Variants in OSBPL11 observed in about 807,000 individuals in gnomAD.
The protein encoded by OSBPL11 is oxysterol-binding protein-related protein 11.
In OSBPL11, 33 loss-of-function variants were observed where a neutral mutation model predicts 84.4. The ratio of observed to expected loss-of-function variants is 0.39; its 90% CI spans 0.30 to 0.52. The LOEUF is 0.52. Ranked by LOEUF, OSBPL11 falls within the 20% of genes least tolerant of loss-of-function variation. The probability of loss-of-function intolerance (pLI) is 0.72; values close to 1 mark genes in which losing one functional copy is unlikely to be tolerated. For synonymous variants in OSBPL11, 276 were observed against 310.2 expected, an observed-to-expected ratio of 0.89 and a Z score of 1.16; for missense variants, 736 against 901.1, an observed-to-expected ratio of 0.82 and a Z score of 2.35.
At chr3:125,549,702 G>T (rs941125508) in intron 9 of OSBPL11, among the ~76,000 whole-genome samples, 1 of 151,920 alleles carries the variant, frequency 6.6e-6, no homozygotes, top group Non-Finnish European at 1.5e-5. Flanking sequence ...GCCCAGTCTG[G>T]TCTCAAACTC....
intron 10 of OSBPL11, among the ~76,000 whole-genome samples, chr3:125,542,123 C>T (rs532625292): frequency 6.6e-6 from 1 of 152,244 alleles, no homozygotes; most frequent in Non-Finnish European, 1.5e-5. Context: ...AATTCTGCTC[C>T]GATTCAAATC....
At chr3:125,587,525 G>A (rs968925857) in intron 1 of OSBPL11, among the ~76,000 whole-genome samples, 2 of 152,194 alleles carry the variant, frequency 1.3e-5, no homozygotes, top group African/African-American at 4.8e-5. Flanking sequence ...GTCTAAGAGA[G>A]ATCTCTAAGG....
intron 9 of OSBPL11, 92 bp downstream of exon 9, chr3:125,552,089 G>A (rs945956332): frequency 5.3e-6 from 4 of 760,834 alleles, no homozygotes; most frequent in Non-Finnish European, 5.2e-6. Flanking sequence ...GCCTTTTAAA[G>A]TAAACTTTCA....
At chr3:125,583,025 C>T in intron 1 of OSBPL11, 47 bp from the exon 2 acceptor site, 1 of 1,368,988 alleles carries the variant, frequency 7.3e-7, no homozygotes, top group Non-Finnish European at 1.0e-6. Flanking sequence ...TAGAAGAAAT[C>T]CCAGGAGGAT....
At chr3:125,588,373 G>T (rs1253490940) in intron 1 of OSBPL11, among the ~76,000 whole-genome samples, 1 of 152,174 alleles carries the variant, frequency 6.6e-6, no homozygotes, top group Non-Finnish European at 1.5e-5. Flanking sequence ...AGAGGTTGAC[G>T]ATAATGTCAA....
chr3:125,547,506 C>T lies in OSBPL11; in HGVS notation c.1741G>A (p.Val581Ile). 6.2e-7 allele frequency: 1 copy of T among 1,614,000 alleles called. No homozygotes were observed. Among genetic ancestry groups the T allele is most frequent in the Non-Finnish European group, 8.5e-7 (1 of 1,179,934 alleles). ...ACACTGACTTTGCCACCCAGTTCTA[C>T]CCAAGGAACAGTCAAAATTGACCGA... ...YARSILTVPWVELGGKVSVNC... is the reference protein window; with the variant it reads ...YARSILTVPWIELGGKVSVNC... The change falls in exon 10 of 13, where the codon GTA becomes ATA. Residue 581 changes from valine to isoleucine, a missense_variant. Around this residue, in one of 3 missense-constraint regions of OSBPL11, gnomAD observed 579 missense variants for 717.6 expected, o/e 0.81. Transcript: ENST00000296220.
intron 1 of OSBPL11, among the ~76,000 whole-genome samples, chr3:125,587,390 T>C (rs765766583): frequency 1.3e-5 from 2 of 152,120 alleles, no homozygotes; most frequent in East Asian, 1.9e-4. Flanking sequence ...CAGGGAGATA[T>C]CCAGTAAGGC....
intron 5 of OSBPL11, 101 bp downstream of exon 5, chr3:125,576,088 A>G: frequency 1.0e-6 from 1 of 997,246 alleles, no homozygotes; most frequent in Non-Finnish European, 1.5e-6. Flanking sequence ...GGAAACAATG[A>G]AGGCCCTTGA....
chr3:125,538,351 C>T lies in OSBPL11; in HGVS notation c.2024+100G>A, dbSNP rs1935673870. On this transcript the variant is annotated intron_variant, in intron 11 of 12. Transcript: ENST00000296220. ...CTTTCAATTTACAAAGCTGATGCAA[C>T]CTGTGAAGTGACTTGGCCAAGGTCA... The T allele has an allele frequency of 4.7e-6, 5 of 1,067,654 alleles. No homozygotes were observed. The South Asian group carries it at 6.3e-5, about 13-fold the overall frequency. The allele number at this position is 1,067,654 out of a possible 1,614,324, so 66.1% of individuals were successfully genotyped here.
At chr3:125,551,285 ATATT>A (rs1296371956) in intron 9 of OSBPL11, among the ~76,000 whole-genome samples, 3 of 151,404 alleles carry the variant, frequency 2.0e-5, no homozygotes, top group South Asian at 2.1e-4. Flanking sequence ...TAAAATGAAT[ATATT>A]TAATTTAAAA....
At chr3:125,566,037 C>T (rs554232682) in intron 6 of OSBPL11, among the ~76,000 whole-genome samples, 2 of 152,274 alleles carry the variant, frequency 1.3e-5, no homozygotes, top group African/African-American at 2.4e-5. Context: ...TGGAGTCTCA[C>T]TCTTGTCACC....
chr3:125,561,585 T>G (rs1224879419), intron 7 of OSBPL11, among the ~76,000 whole-genome samples: 5 of 152,230 alleles, frequency 3.3e-5, no homozygotes, highest in Non-Finnish European at 2.9e-5. Context: ...TATTCACATT[T>G]TATTCCAAGT....
At chr3:125,587,774 C>CA (rs558648699) in intron 1 of OSBPL11, among the ~76,000 whole-genome samples, 1 of 151,708 alleles carries the variant, frequency 6.6e-6, no homozygotes, top group Admixed American at 6.6e-5. Flanking sequence ...CCTGTCTCTA[C>CA]AAAAAAAATT....
Position 125,538,679 on chromosome 3 carries a change from ATGTT to A in OSBPL11, c.1842-50_1842-47del, listed in dbSNP as rs1199334603. ...AAGATATGCTCTAATAAGTGATATC[ATGTT>A]TGTTTCTTAGATCTGAAACCCAAGA... On this transcript the variant is annotated intron_variant, in intron 10 of 12. Transcript: ENST00000296220. 2.0e-6 allele frequency: 3 copies of A among 1,514,188 alleles called. No homozygotes were observed. In the African/African-American group the frequency reaches 4.2e-5, roughly 21 times the overall value. The allele number at this position is 1,514,188 out of a possible 1,614,324, so 93.8% of individuals were successfully genotyped here. A position where few individuals can be genotyped will look rare whatever the true frequency, so the allele number is the denominator to read the frequency against.
intron 5 of OSBPL11, 106 bp downstream of exon 5, chr3:125,576,083 C>T (rs960304365): frequency 2.1e-6 from 2 of 966,876 alleles, no homozygotes; most frequent in African/African-American, 3.5e-5. Flanking sequence ...AGATAGGAAA[C>T]AATGAAGGCC....
chr3:125,554,757 G>A (rs1935965060), intron 8 of OSBPL11, among the ~76,000 whole-genome samples: 1 of 151,782 alleles, frequency 6.6e-6, no homozygotes, highest in South Asian at 2.1e-4. Context: ...AAAGTCAAAA[G>A]AAGAGTTAAA....
chr3:125,530,660 C>CT, intron 12 of OSBPL11, 80 bp from the exon 13 acceptor site: 1 of 1,105,638 alleles, frequency 9.0e-7, no homozygotes, highest in Non-Finnish European at 1.4e-6. Context: ...AACACCTTCA[C>CT]TGAAATGGAA....
chr3:125,583,862 G>A (rs1431527307), intron 1 of OSBPL11, among the ~76,000 whole-genome samples: 1 of 152,138 alleles, frequency 6.6e-6, no homozygotes, highest in African/African-American at 2.4e-5. Context: ...TCGCAATCAA[G>A]TTGTTTATTT....
chr3:125,559,238 G>A (rs1936038519), intron 8 of OSBPL11, among the ~76,000 whole-genome samples: 1 of 152,176 alleles, frequency 6.6e-6, no homozygotes, highest in Admixed American at 6.5e-5. Context: ...GAAGTAAGTG[G>A]AAGTGTCAAT....
Sources: gnomAD v4.1 joint callset for allele counts (sites outside exome capture counted in the v4.1 genomes callset) on GRCh38, gnomAD v4.1.1 for gene constraint, gnomAD v4.1.1 regional missense constraint, MANE v1.5 for transcripts, NCBI Gene and HGNC (gene_info 2026-07-23, HGNC 2026-07-21) for gene names.